The following XKR6 variants were observed in gnomAD, a reference collection of about 807,000 sequenced individuals.
XKR6 encodes the protein XK-related protein 6.
Under a neutral mutation model 56.7 loss-of-function variants are expected in XKR6, and 22 were observed. That is an observed-to-expected ratio of 0.39 (90% confidence interval 0.28 to 0.55). XKR6 has a LOEUF of 0.55. XKR6 is among the 20% of genes least tolerant of loss of function. The pLI, the probability that XKR6 is intolerant of heterozygous loss-of-function variation, is 0.66. For missense variants in XKR6, 852 were observed against 889.0 expected (o/e 0.96, Z 0.53); for synonymous variants, 524 against 387.8 (o/e 1.35, Z -4.13).
At chr8:11,018,334 T>C (rs899326348) in intron 1 of XKR6, among the ~76,000 whole-genome samples, 1 of 152,192 alleles carries the variant, frequency 6.6e-6, no homozygotes, top group Non-Finnish European at 1.5e-5. Context: ...CTGAGATGAA[T>C]GCTGTGCACA....
intron 1 of XKR6, chr8:11,138,281 C>T (rs1012886549): frequency 1.3e-5 from 2 of 152,932 alleles, no homozygotes; most frequent in African/African-American, 4.8e-5. Context: ...CTCCCACCAT[C>T]TTCTCCCATT....
At chr8:10,990,497 T>C (rs1797965029) in intron 1 of XKR6, among the ~76,000 whole-genome samples, 1 of 152,204 alleles carries the variant, frequency 6.6e-6, no homozygotes, top group Non-Finnish European at 1.5e-5. Context: ...AAAAGCCTGT[T>C]CTGGCCCTGG....
Position 10,948,713 on chromosome 8 carries a change from G to T in XKR6, c.765-23883C>A, listed in dbSNP as rs565273824. Among the ~76,000 whole-genome samples, 22 of 152,240 alleles carry T rather than the reference G, an allele frequency of 1.4e-4. No homozygotes were observed. In the South Asian group the frequency reaches 4.4e-3, roughly 30 times the overall value. On this transcript the variant is annotated intron_variant, in intron 1 of 2. Coordinates refer to ENST00000416569, the MANE Select transcript of XKR6 (RefSeq NM_173683.4). ...CCTGCCAGCTGGCTGCTTTCCCATG[G>T]GGAAGGCCCCGCACTCCCACCCCGG...
intron 1 of XKR6, among the ~76,000 whole-genome samples, chr8:11,174,044 CCTTTGTACATTTG>C (rs1368235218): frequency 2.6e-5 from 4 of 152,198 alleles, no homozygotes; most frequent in Non-Finnish European, 5.9e-5. Context: ...TCATGTATTT[CCTTTGTACATTTG>C]CTTTAAAAAA....
At chr8:11,053,440 C>G (rs1048125627) in intron 1 of XKR6, among the ~76,000 whole-genome samples, 7 of 152,214 alleles carry the variant, frequency 4.6e-5, no homozygotes, top group African/African-American at 1.4e-4. Flanking sequence ...AGAAAGAAAG[C>G]TGGCTCCCAG....
intron 1 of XKR6, among the ~76,000 whole-genome samples, chr8:11,136,632 C>T (rs1295848575): frequency 1.3e-5 from 2 of 152,002 alleles, no homozygotes; most frequent in African/African-American, 4.8e-5. Flanking sequence ...GGATTAGTAC[C>T]CTATCAGTAG....
At chr8:11,010,735 T>C (rs1452194104) in intron 1 of XKR6, among the ~76,000 whole-genome samples, 1 of 152,160 alleles carries the variant, frequency 6.6e-6, no homozygotes, top group Non-Finnish European at 1.5e-5. Flanking sequence ...TTGACAGTCT[T>C]CTTTACTACC....
At chr8:10,913,647 G>A (rs899305696) in intron 2 of XKR6, among the ~76,000 whole-genome samples, 1 of 152,222 alleles carries the variant, frequency 6.6e-6, no homozygotes, top group Non-Finnish European at 1.5e-5. Flanking sequence ...GATGGGGAGG[G>A]ACCTGCCCCG....
intron 1 of XKR6, among the ~76,000 whole-genome samples, chr8:10,957,249 C>G (rs1801917256): frequency 6.6e-6 from 1 of 152,210 alleles, no homozygotes. Context: ...CCTTGCCCAG[C>G]CATAACTCAG....
intron 2 of XKR6, among the ~76,000 whole-genome samples, chr8:10,903,506 T>TC (rs959827792): frequency 3.3e-5 from 5 of 151,516 alleles, no homozygotes; most frequent in Admixed American, 6.6e-5. Context: ...CTAAGTTGTG[T>TC]CCCCCCCACA....
At chr8:10,991,906 A>G (rs1324531338) in intron 1 of XKR6, among the ~76,000 whole-genome samples, 1 of 152,244 alleles carries the variant, frequency 6.6e-6, no homozygotes, top group Non-Finnish European at 1.5e-5. Context: ...AGCCTACTAT[A>G]AAAACAAAAG....
At chr8:11,087,862 G>A (rs890863514) in intron 1 of XKR6, among the ~76,000 whole-genome samples, 3 of 152,232 alleles carry the variant, frequency 2.0e-5, no homozygotes, top group Admixed American at 6.5e-5. Flanking sequence ...GGAGGAGGCA[G>A]AGAGCAGAGA....
chr8:11,054,355 C>A (rs1799627836), intron 1 of XKR6, among the ~76,000 whole-genome samples: 1 of 152,210 alleles, frequency 6.6e-6, no homozygotes, highest in Non-Finnish European at 1.5e-5. Context: ...AGCTGCAAGG[C>A]CTGAAGCCTG....
intron 1 of XKR6, among the ~76,000 whole-genome samples, chr8:11,148,519 G>C (rs1336580827): frequency 1.3e-5 from 2 of 152,234 alleles, no homozygotes; most frequent in Non-Finnish European, 2.9e-5. Flanking sequence ...TGTTATGGCT[G>C]TGCTAGCAAA....
intron 1 of XKR6, among the ~76,000 whole-genome samples, chr8:10,994,541 C>A (rs898714334): frequency 1.3e-5 from 2 of 152,224 alleles, no homozygotes; most frequent in African/African-American, 2.4e-5. Context: ...ATGGTCACAT[C>A]TGCTCTAAGA....
intron 1 of XKR6, among the ~76,000 whole-genome samples, chr8:11,111,000 CT>C (rs532663320): frequency 1.5e-5 from 2 of 133,866 alleles, no homozygotes; most frequent in East Asian, 4.1e-4. Context: ...CCACGCCTGG[CT>C]TTTTCTATTT....
Position 11,185,492 on chromosome 8 carries a change from A to G in XKR6, c.764+15084T>C, listed in dbSNP as rs377678049. 1.6e-4 allele frequency among the ~76,000 whole-genome samples: 25 copies of G among 152,348 alleles called. 1 individual carries two copies. The highest frequency in any genetic ancestry group is 5.8e-4 in the African/African-American group (24 of 41,580). ...GAAGATTTACTGTATGGGGTTTTAG[A>G]GTAAATTTCTAAATGTACGTACAAT... On this transcript the variant is annotated intron_variant, in intron 1 of 2. Coordinates refer to ENST00000416569, the MANE Select transcript of XKR6 (RefSeq NM_173683.4).
intron 1 of XKR6, among the ~76,000 whole-genome samples, chr8:11,103,064 T>G (rs527849400): frequency 6.6e-6 from 1 of 152,328 alleles, no homozygotes; most frequent in East Asian, 1.9e-4. Flanking sequence ...ATATTATACA[T>G]AACACTAGTG....
intron 1 of XKR6, among the ~76,000 whole-genome samples, chr8:11,023,938 C>G (rs1052144079): frequency 2.0e-5 from 3 of 152,118 alleles, no homozygotes; most frequent in African/African-American, 7.2e-5. Context: ...TAAAACCCTA[C>G]GAGAAGAATA....
Sources: gnomAD v4.1 joint callset for allele counts (sites outside exome capture counted in the v4.1 genomes callset) on GRCh38, gnomAD v4.1.1 for gene constraint, MANE v1.5 for transcripts, NCBI Gene and HGNC (gene_info 2026-07-23, HGNC 2026-07-21) for gene names.